The following CNTNAP2 variants were observed in gnomAD, a reference collection of about 807,000 sequenced individuals.
CNTNAP2 encodes contactin-associated protein-like 2.
A neutral mutation model predicts 155.2 loss-of-function variants in CNTNAP2; 98 were observed. The ratio of observed to expected loss-of-function variants is 0.63; its 90% CI spans 0.54 to 0.75. The LOEUF (loss-of-function observed/expected upper bound fraction) is 0.75. Among genes scored for constraint, CNTNAP2 ranks in the 30% least tolerant of loss-of-function variants. The pLI, the probability that CNTNAP2 is intolerant of heterozygous loss-of-function variation, is 0.00. For synonymous variants in CNTNAP2, 651 were observed against 631.2 expected, an observed-to-expected ratio of 1.03 and a Z score of -0.47; for missense variants, 1,727 against 1,688.1, an observed-to-expected ratio of 1.02 and a Z score of -0.40.
chr7:147,771,624 A>G (rs1484302332), intron 13 of CNTNAP2, among the ~76,000 whole-genome samples: 1 of 152,160 alleles, frequency 6.6e-6, no homozygotes. Flanking sequence ...ACATTCTGAC[A>G]TTATATAGGG....
intron 2 of CNTNAP2, among the ~76,000 whole-genome samples, chr7:146,780,523 T>A (rs1266288412): frequency 4.6e-5 from 7 of 152,092 alleles, no homozygotes; most frequent in Non-Finnish European, 1.0e-4. Flanking sequence ...CCATTCTAAC[T>A]GGTGTGAAAT....
chr7:146,715,884 G>A (rs765949836), intron 1 of CNTNAP2, among the ~76,000 whole-genome samples: 5 of 152,108 alleles, frequency 3.3e-5, no homozygotes, highest in East Asian at 1.9e-4. Flanking sequence ...CCCCATTGTT[G>A]GCTCCAAAAC....
At chr7:146,729,353 G>A (rs1209667164) in intron 1 of CNTNAP2, among the ~76,000 whole-genome samples, 3 of 152,032 alleles carry the variant, frequency 2.0e-5, no homozygotes, top group East Asian at 3.9e-4. Context: ...TTTGAAAGAC[G>A]ACAGTAAAAG....
At chr7:147,658,548 T>C (rs1461939353) in intron 13 of CNTNAP2, among the ~76,000 whole-genome samples, 1 of 152,124 alleles carries the variant, frequency 6.6e-6, no homozygotes, top group Non-Finnish European at 1.5e-5. Context: ...AATGAAAAAG[T>C]GTATTGCTGA....
intron 16 of CNTNAP2, among the ~76,000 whole-genome samples, chr7:148,125,980 G>C (rs946260691): frequency 6.6e-6 from 1 of 151,998 alleles, no homozygotes; most frequent in Admixed American, 6.5e-5. Flanking sequence ...TGGGATTATA[G>C]GTATAAGCTA....
intron 1 of CNTNAP2, among the ~76,000 whole-genome samples, chr7:146,444,592 C>T (rs1209384487): frequency 6.6e-6 from 1 of 151,886 alleles, no homozygotes; most frequent in African/African-American, 2.4e-5. Flanking sequence ...TGCCACTTTA[C>T]TGATCATTCA....
intron 1 of CNTNAP2, among the ~76,000 whole-genome samples, chr7:146,698,279 T>C (rs189549687): frequency 6.6e-6 from 1 of 152,216 alleles, no homozygotes; most frequent in East Asian, 1.9e-4. Context: ...AGATCCAATT[T>C]TCTAATCTGA....
At chr7:148,346,492 C>A (rs1316477517) in intron 21 of CNTNAP2, among the ~76,000 whole-genome samples, 3 of 152,184 alleles carry the variant, frequency 2.0e-5, no homozygotes, top group Non-Finnish European at 4.4e-5. Flanking sequence ...AATGCTTAGG[C>A]CGGGTGCGGT....
chr7:146,676,448 C>CTTTTTT (rs35178328), intron 1 of CNTNAP2, among the ~76,000 whole-genome samples: 1 of 150,486 alleles, frequency 6.6e-6, no homozygotes. Flanking sequence ...TGTTTGTGTT[C>CTTTTTT]TTTTTTTTAA....
intron 3 of CNTNAP2, among the ~76,000 whole-genome samples, chr7:146,874,993 C>T (rs116196660): frequency 1.5e-3 from 228 of 152,272 alleles, no homozygotes; most frequent in African/African-American, 5.2e-3. Flanking sequence ...TCTACATCAA[C>T]GTCATTAACT....
chr7:147,379,090 G>C (rs1431540195), intron 9 of CNTNAP2, among the ~76,000 whole-genome samples: 1 of 151,878 alleles, frequency 6.6e-6, no homozygotes, highest in Non-Finnish European at 1.5e-5. Context: ...TGTGAAGAAG[G>C]GTGTGTTTGC....
intron 1 of CNTNAP2, among the ~76,000 whole-genome samples, chr7:146,714,600 C>A (rs1204195682): frequency 1.3e-5 from 2 of 152,010 alleles, no homozygotes; most frequent in East Asian, 3.9e-4. Context: ...AAGTGTATAC[C>A]TATAGGAAAT....
At chr7:147,871,404 G>T in intron 13 of CNTNAP2, among the ~76,000 whole-genome samples, 1 of 152,154 alleles carries the variant, frequency 6.6e-6, no homozygotes, top group East Asian at 1.9e-4. Context: ...CAAAATGCTT[G>T]TACATGTGCT....
At chr7:146,731,222 T>C (rs1801520135) in intron 1 of CNTNAP2, among the ~76,000 whole-genome samples, 2 of 151,858 alleles carry the variant, frequency 1.3e-5, no homozygotes, top group African/African-American at 4.8e-5. Context: ...AAAACCATGA[T>C]GGGGGATGAG....
rs564142273 is a variant in CNTNAP2 at position 148,304,381 on chromosome 7, G to A, written c.3475+37255G>A. ...ATCATCTTGTTTAAAGTGTCAAATA[G>A]TTCTATATGGCTTATTAGGATAAAC... On this transcript the variant is annotated intron_variant, in intron 21 of 23. Transcript: ENST00000361727. Among the ~76,000 whole-genome samples the A allele has an allele frequency of 1.2e-3, 190 of 152,198 alleles. 1 individual carries two copies. Among genetic ancestry groups the A allele is most frequent in the Non-Finnish European group, 2.0e-3 (138 of 67,996 alleles).
chr7:146,729,720 T>C lies in CNTNAP2; in HGVS notation c.98-44551T>C, dbSNP rs11489481. On this transcript the variant is annotated intron_variant, in intron 1 of 23. Transcript: ENST00000361727. ...TCCATTATACCAGTTTGGTTGTTCT[T>C]ATCTCTTTATTGTTTACATCCATTT... 4.4e-3 allele frequency among the ~76,000 whole-genome samples: 672 copies of C among 152,244 alleles called. 4 individuals carry two copies. Among genetic ancestry groups the C allele is most frequent in the African/African-American group, 0.015 (640 of 41,548 alleles).
At chr7:148,243,674 T>A (rs1796200570) in intron 20 of CNTNAP2, among the ~76,000 whole-genome samples, 1 of 152,022 alleles carries the variant, frequency 6.6e-6, no homozygotes, top group African/African-American at 2.4e-5. Flanking sequence ...CCCCCATGAT[T>A]CGATTACTTC....
chr7:146,792,623 A>G (rs1802694712), intron 2 of CNTNAP2, among the ~76,000 whole-genome samples: 1 of 151,942 alleles, frequency 6.6e-6, no homozygotes, highest in Non-Finnish European at 1.5e-5. Flanking sequence ...TACCACCACT[A>G]AAGATTCATT....
chr7:147,137,551 T>A (rs1386537880), intron 8 of CNTNAP2, among the ~76,000 whole-genome samples: 1 of 151,826 alleles, frequency 6.6e-6, no homozygotes, highest in African/African-American at 2.4e-5. Context: ...TGCTTAACAA[T>A]GTTACAAATG....
Sources: allele counts gnomAD v4.1 joint callset (sites outside exome capture counted in the v4.1 genomes callset), GRCh38; gene constraint gnomAD v4.1.1; transcripts MANE v1.5; gene names NCBI Gene and HGNC (gene_info 2026-07-23, HGNC 2026-07-21).